The following PCDHA1 variants were observed in gnomAD, a reference collection of about 807,000 sequenced individuals.
PCDHA1 encodes the protein protocadherin alpha-1.
In PCDHA1, 42 loss-of-function variants were observed where a neutral mutation model predicts 61.3. The ratio of observed to expected loss-of-function variants is 0.69; its 90% CI spans 0.54 to 0.89. The LOEUF (loss-of-function observed/expected upper bound fraction) is 0.89. PCDHA1 is among the 40% of genes least tolerant of loss of function. The probability of loss-of-function intolerance (pLI) is 0.00; values close to 1 mark genes in which losing one functional copy is unlikely to be tolerated. For synonymous variants in PCDHA1, 610 were observed against 553.8 expected, an observed-to-expected ratio of 1.10 and a Z score of -1.43; for missense variants, 1,256 against 1,235.3, an observed-to-expected ratio of 1.02 and a Z score of -0.25.
At position 140,870,413 on chromosome 5, in the gene PCDHA1, C is replaced by G. The variant is rs200037363; in HGVS notation, c.2394+81729C>G. ...GGGGGTTCGCCTTCTCTGTGGGCCA[C>G]GGCCAGGGTATCCGTGGAGGTGGCC... On this transcript the variant is annotated intron_variant, in intron 1 of 3. Transcript: ENST00000504120. The G allele has an allele frequency of 7.6e-5, 123 of 1,614,124 alleles. No individual in the cohort carries two copies. In the African/African-American group the frequency reaches 1.6e-3, roughly 21 times the overall value.
rs548886698 is a variant in PCDHA1 at position 140,887,948 on chromosome 5, T to A, written c.2395-91001T>A. 7.1e-4 allele frequency among the ~76,000 whole-genome samples: 108 copies of A among 152,348 alleles called. 2 individuals carry two copies. Among genetic ancestry groups the A allele is most frequent in the Admixed American group, 7.0e-3 (107 of 15,298 alleles). On this transcript the variant is annotated intron_variant, in intron 1 of 3. Transcript: ENST00000504120. ...AGACCATATTTATTTCTTATCTGTA[T>A]AAGATTCTTTTTGTCTCTTTTAAAA... is the stretch of plus-strand genomic sequence containing the variant.
At chr5:140,952,257 C>T (rs1224282193) in intron 1 of PCDHA1, among the ~76,000 whole-genome samples, 1 of 151,342 alleles carries the variant, frequency 6.6e-6, no homozygotes, top group Non-Finnish European at 1.5e-5. Flanking sequence ...GGTGGATTCC[C>T]ATTCTGGGGT....
At chr5:140,982,074 T>TAGAGAACCTAGGAACA (rs1554243726) in intron 2 of PCDHA1, among the ~76,000 whole-genome samples, 1 of 151,090 alleles carries the variant, frequency 6.6e-6, no homozygotes, top group Non-Finnish European at 1.5e-5. Flanking sequence ...TTCTTTAGAG[T>TAGAGAACCTAGGAACA]AGAGAACCTA....
At chr5:140,947,635 G>T (rs1170525936) in intron 1 of PCDHA1, among the ~76,000 whole-genome samples, 1 of 151,538 alleles carries the variant, frequency 6.6e-6, no homozygotes, top group Non-Finnish European at 1.5e-5. Flanking sequence ...TCATCAGATC[G>T]TATGAACATA....
At chr5:140,822,519 C>G in intron 1 of PCDHA1, 1 of 1,613,852 alleles carries the variant, frequency 6.2e-7, no homozygotes, top group East Asian at 2.2e-5. Flanking sequence ...TTTATAATGT[C>G]AGATTGTTGG....
At chr5:140,822,873 G>A in intron 1 of PCDHA1, 4 of 1,614,214 alleles carry the variant, frequency 2.5e-6, no homozygotes, top group Non-Finnish European at 3.4e-6. Flanking sequence ...CACTCAGCAC[G>A]GTCATTGCTC....
intron 1 of PCDHA1, chr5:140,860,433 T>C (rs2046395592): frequency 6.6e-6 from 1 of 152,064 alleles, no homozygotes; most frequent in Non-Finnish European, 1.5e-5. Context: ...GCAAATATGA[T>C]CTTTTTCATA....
intron 1 of PCDHA1, among the ~76,000 whole-genome samples, chr5:140,873,597 T>C (rs2054375206): frequency 6.6e-6 from 1 of 152,354 alleles, no homozygotes; most frequent in Middle Eastern, 3.4e-3. Context: ...TAAACTTAGA[T>C]GTTCCTATTG....
At chr5:140,805,456 T>G (rs2149984898) in intron 1 of PCDHA1, 1 of 1,026,082 alleles carries the variant, frequency 9.7e-7, no homozygotes, top group African/African-American at 1.7e-5. Flanking sequence ...TGTGTTTGTG[T>G]GAGTGTAGTT....
Position 140,829,594 on chromosome 5 carries a change from G to C in PCDHA1, c.2394+40910G>C. The C allele has an allele frequency of 1.2e-6, 2 of 1,611,982 alleles. No individual in the cohort carries two copies. The highest frequency in any genetic ancestry group is 1.7e-6 in the Non-Finnish European group (2 of 1,179,774). On this transcript the variant is annotated intron_variant, in intron 1 of 3. Coordinates refer to ENST00000504120, the MANE Select transcript of PCDHA1 (RefSeq NM_018900.4). The stretch of plus-strand genomic sequence containing the variant: ...CGCTGGTGGAGCGGCGGGTGGGCGA[G>C]CGCGCGTTGTCGAGCTACATTTCGG...
chr5:140,875,002 T>C (rs1441765842), intron 1 of PCDHA1, among the ~76,000 whole-genome samples: 2 of 152,238 alleles, frequency 1.3e-5, no homozygotes, highest in African/African-American at 4.8e-5. Context: ...TCATTTTCCA[T>C]GATAAAGTGT....
chr5:140,866,610 G>A (rs1177328697), intron 1 of PCDHA1: 2 of 152,124 alleles, frequency 1.3e-5, no homozygotes, highest in Admixed American at 1.3e-4. Context: ...TGGTTTTGGA[G>A]AACCTCCTGG....
At chr5:140,967,718 C>G (rs959323631) in intron 1 of PCDHA1, 1 of 1,613,988 alleles carries the variant, frequency 6.2e-7, no homozygotes, top group Non-Finnish European at 8.5e-7. Flanking sequence ...CGGGGAAGTG[C>G]GAGTAATTGG....
Position 140,857,247 on chromosome 5 carries a change from A to G in PCDHA1, c.2394+68563A>G. ...GTTCCGTTCAAGCTGGTGTCCACCT[A>G]CAAGAATTACTACTCATTGGTGCTG... is the stretch of plus-strand genomic sequence containing the variant. On this transcript the variant is annotated intron_variant, in intron 1 of 3. Coordinates refer to ENST00000504120, the MANE Select transcript of PCDHA1 (RefSeq NM_018900.4). 3 of 1,598,564 alleles carry G rather than the reference A, an allele frequency of 1.9e-6. 1 individual carries two copies. Among genetic ancestry groups the G allele is most frequent in the African/African-American group, 2.7e-5 (2 of 74,420 alleles).
chr5:140,928,148 A>G (rs1228039818), intron 1 of PCDHA1: 1 of 1,614,054 alleles, frequency 6.2e-7, no homozygotes, highest in African/African-American at 1.3e-5. Context: ...ACGGCCTCAG[A>G]TAGTGGCTCA....
At chr5:140,884,536 G>A in intron 1 of PCDHA1, 11 of 1,614,090 alleles carry the variant, frequency 6.8e-6, no homozygotes, top group African/African-American at 1.3e-5. Context: ...AGAGGCGGCC[G>A]AGGGTGTGCT....
intron 1 of PCDHA1, among the ~76,000 whole-genome samples, chr5:140,957,220 G>A (rs1356437193): frequency 2.6e-5 from 4 of 152,192 alleles, no homozygotes; most frequent in Non-Finnish European, 5.9e-5. Flanking sequence ...CAAAAATTTG[G>A]CGAAGCATTT....
Position 140,842,609 on chromosome 5 carries a change from G to T in PCDHA1, c.2394+53925G>T, listed in dbSNP as rs2150340474. 6.2e-5 allele frequency: 99 copies of T among 1,595,866 alleles called. 3 individuals carry two copies. In the East Asian group the frequency reaches 1.8e-3, roughly 29 times the overall value. On this transcript the variant is annotated intron_variant, in intron 1 of 3. Transcript: ENST00000504120. ...TGAGTTGGTGGTAACCGCGCGGGAC[G>T]GGGGCTCGCCTTCGCTGTGGGCCAC...
chr5:140,914,957 T>C (rs1355119889), intron 1 of PCDHA1, among the ~76,000 whole-genome samples: 1 of 150,770 alleles, frequency 6.6e-6, no homozygotes, highest in Non-Finnish European at 1.5e-5. Flanking sequence ...TTTTTTTTTT[T>C]TTTTTCTGAG....
Sources: allele counts gnomAD v4.1 joint callset (sites outside exome capture counted in the v4.1 genomes callset), GRCh38; gene constraint gnomAD v4.1.1; transcripts MANE v1.5; gene names NCBI Gene and HGNC (gene_info 2026-07-23, HGNC 2026-07-21).